Variants in USP6 observed in about 807,000 individuals in gnomAD.
USP6 encodes ubiquitin specific peptidase 6.
In USP6, 128 loss-of-function variants were observed where a neutral mutation model predicts 175.7. The observed-to-expected ratio is 0.73, with a 90% confidence interval of 0.63 to 0.84. The LOEUF is 0.84. Ranked by LOEUF, USP6 falls within the 40% of genes least tolerant of loss-of-function variation. The probability of loss-of-function intolerance (pLI) is 0.00; values close to 1 mark genes in which losing one functional copy is unlikely to be tolerated. For missense variants in USP6, 1,498 were observed against 1,760.3 expected (o/e 0.85, Z 2.67); for synonymous variants, 562 against 630.6 (o/e 0.89, Z 1.63).
chr17:5,135,822 C>G lies in USP6; in HGVS notation c.558C>G (p.Cys186Trp). ...YSEYNPEVGY[C>W]RDLSHITALF... ...GGCTCTTGCAGGAGGTGGGCTACTG[C>G]AGGGACCTGAGCCACATCACCGCCT... The change falls in exon 17 of 38, where the codon TGC becomes TGG. Residue 186 changes from cysteine to tryptophan, a missense_variant. Physicochemically the swap from Cys to Trp is radical, Grantham distance 215. Around this residue, in one of 2 missense-constraint regions of USP6, gnomAD observed 281 missense variants for 259.6 expected, o/e 1.08. Coordinates refer to ENST00000574788, the MANE Select transcript of USP6 (RefSeq NM_001304284.2). The G allele has an allele frequency of 6.3e-7, 1 of 1,598,286 alleles. No individual in the cohort carries two copies. Among genetic ancestry groups the G allele is most frequent in the South Asian group, 1.1e-5 (1 of 90,992 alleles).
chr17:5,161,752 A>G, intron 32 of USP6, 138 bp downstream of exon 32: 1 of 1,010,776 alleles, frequency 9.9e-7, no homozygotes, highest in Non-Finnish European at 1.4e-6. Flanking sequence ...ACCATGGCTC[A>G]GGCCTGTAAT....
Position 5,137,149 on chromosome 17 carries a change from C to T in USP6, c.788C>T (p.Ala263Val). Residue 263 changes from alanine to valine, a missense_variant, in exon 19 of 38, where the codon GCC (alanine) becomes GTC (valine). Transcript: ENST00000574788. Reference sequence around the variant, plus strand: ...AAGGAAGGTCTATGCGGGCAGTGTGCCTCGTTAGGCTGCCTTCTCCGGAAC... The same window carrying T: ...AAGGAAGGTCTATGCGGGCAGTGTGTCTCGTTAGGCTGCCTTCTCCGGAAC... Reference protein sequence around the residue: ...QDKEGLCGQCASLGCLLRNLI... With the variant: ...QDKEGLCGQCVSLGCLLRNLI... 6.2e-7 allele frequency: 1 copy of T among 1,613,408 alleles called. No individual in the cohort carries two copies. Among genetic ancestry groups the T allele is most frequent in the Admixed American group, 1.7e-5 (1 of 60,000 alleles).
At chr17:5,155,650 A>G (rs201218322) in intron 31 of USP6, 44 bp downstream of exon 31, 11 of 1,563,022 alleles carry the variant, frequency 7.0e-6, no homozygotes, top group Non-Finnish European at 9.5e-6. Flanking sequence ...TCCAAACTCT[A>G]GAAAAATAAT....
rs562711707 is a variant in USP6, at chr17:5,160,356, T to TA, written c.2829-1171dup. On this transcript the variant is annotated intron_variant, in intron 31 of 37. Transcript: ENST00000574788. ...GATGAGCTGTAAAGTATGCCACTCT[T>TA]ATGTTATATTCCTTGCATTGCTTCC... Among the ~76,000 whole-genome samples the TA allele has an allele frequency of 2.0e-4, 31 of 152,338 alleles. No homozygotes were observed. The East Asian group carries it at 4.6e-3, about 23-fold the overall frequency.
At chr17:5,133,368 TC>T in intron 13 of USP6, 74 bp from the exon 14 acceptor site, 2 of 1,477,964 alleles carry the variant, frequency 1.4e-6, no homozygotes, top group Non-Finnish European at 1.9e-6. Flanking sequence ...ACTGACAATT[TC>T]CAGAATCCCC....
In USP6 at chr17:5,138,203, C is replaced by T. The variant is rs2073321424; in HGVS notation, c.1008C>T (p.Asp336=). 2.5e-6 allele frequency: 4 copies of T among 1,614,102 alleles called. No homozygotes were observed. Among genetic ancestry groups the T allele is most frequent in the Non-Finnish European group, 3.4e-6 (4 of 1,179,994 alleles). The change falls in exon 21 of 38, where the codon GAC becomes GAT. Residue 336 remains aspartate, a synonymous_variant. Transcript: ENST00000574788. Reference sequence around the variant, plus strand: ...TCGATACCTGGGCCATGAACGATGACACCGTGCTCAAGCATCTTAGGGCCT... The same window carrying T: ...TCGATACCTGGGCCATGAACGATGATACCGTGCTCAAGCATCTTAGGGCCT... ...QFFDTWAMND[D]TVLKHLRAST...
intron 31 of USP6, among the ~76,000 whole-genome samples, chr17:5,156,736 C>CT (rs113739439): frequency 1.5e-3 from 209 of 143,140 alleles, no homozygotes; most frequent in Middle Eastern, 3.5e-3. Context: ...ATAAATACAT[C>CT]TTTTTTTTTT....
intron 30 of USP6, among the ~76,000 whole-genome samples, chr17:5,154,709 G>GTT (rs2144070853): frequency 3.5e-5 from 1 of 28,498 alleles, no homozygotes; most frequent in East Asian, 1.1e-3. Flanking sequence ...AGTTGAGATA[G>GTT]TCTTTTTTTT....
At position 5,145,546 on chromosome 17, in the gene USP6, C is replaced by A. The variant is rs2073581958; in HGVS notation, c.2134C>A (p.Pro712Thr). 6.2e-7 allele frequency: 1 copy of A among 1,610,122 alleles called. No homozygotes were observed. Among genetic ancestry groups the A allele is most frequent in the Non-Finnish European group, 8.5e-7 (1 of 1,178,436 alleles). ...TTTCAATTTTTTGTCTTTGCCACTA[C>A]CAATGGACAGTTACATGGACTTAGA... is the stretch of plus-strand genomic sequence containing the variant. ...DPFNFLSLPLPMDSYMDLEIT... is the reference protein window; with the variant it reads ...DPFNFLSLPLTMDSYMDLEIT... The change falls in exon 27 of 38, where the codon CCA (proline) becomes ACA (threonine). Residue 712 changes from proline (P) to threonine (T), a missense_variant. Pro to Thr is a conservative substitution (Grantham distance 38). Transcript: ENST00000574788.
At chr17:5,128,738 G>T (rs1363147995) in intron 7 of USP6, 1 of 152,694 alleles carries the variant, frequency 6.5e-6, no homozygotes, top group Non-Finnish European at 1.5e-5. Flanking sequence ...CCCAGGCAAG[G>T]CCCCATTGTG....
rs1426751635 is a variant in USP6 at position 5,144,799 on chromosome 17, A to G, written c.1928A>G (p.His643Arg). The G allele has an allele frequency of 3.7e-6, 6 of 1,613,582 alleles. No individual in the cohort carries two copies. The highest frequency in any genetic ancestry group is 1.7e-5 in the Admixed American group (1 of 59,986). Reference protein sequence around the residue: ...DGLHEDLNRVHEKPYVELKDS... With the variant: ...DGLHEDLNRVREKPYVELKDS... ...CTTCATGAAGATCTCAACCGAGTCC[A>G]TGAAAAGCCATATGTGGAACTGAAG... Residue 643 changes from histidine to arginine, a missense_variant, in exon 26 of 38, where the codon CAT (histidine) becomes CGT (arginine). Coordinates refer to ENST00000574788, the MANE Select transcript of USP6 (RefSeq NM_001304284.2).
rs1486694856 is a variant in USP6 at position 5,171,695 on chromosome 17, CT to C, written c.4047+19del. The C allele has an allele frequency of 6.2e-7, 1 of 1,610,930 alleles. No individual in the cohort carries two copies. Among genetic ancestry groups the C allele is most frequent in the Non-Finnish European group, 8.5e-7 (1 of 1,177,894 alleles). On this transcript the variant is annotated intron_variant, in intron 37 of 37. Coordinates refer to ENST00000574788, the MANE Select transcript of USP6 (RefSeq NM_001304284.2). ...CAGCTGTGAGGTAAACATTCTCAATCTTTGAATGAAAGTTAGAATATCAACA... is the reference window on the plus strand; with the variant it reads ...CAGCTGTGAGGTAAACATTCTCAATCTTGAATGAAAGTTAGAATATCAACA...
rs763273550 is a variant in USP6 at position 5,142,501 on chromosome 17, G to T, written c.1817G>T (p.Arg606Leu). The change falls in exon 25 of 38, where the codon CGG becomes CTG. Residue 606 changes from arginine (R) to leucine (L), a missense_variant and splice_region_variant. Coordinates refer to ENST00000574788, the MANE Select transcript of USP6 (RefSeq NM_001304284.2). The stretch of plus-strand genomic sequence containing the variant: ...AAGAGTGTTGCCCCATTAAAGCTTC[G>T]GGTAAGCAGGTTAAAATAATATAAA... ...TQKSVAPLKL[R>L]RTIAKYAPKF... 6.2e-7 allele frequency: 1 copy of T among 1,609,294 alleles called. No homozygotes were observed. The highest frequency in any genetic ancestry group is 8.5e-7 in the Non-Finnish European group (1 of 1,178,026).
At chr17:5,162,475 A>C (rs2074023572) in intron 32 of USP6, among the ~76,000 whole-genome samples, 2 of 152,130 alleles carry the variant, frequency 1.3e-5, no homozygotes, top group South Asian at 2.1e-4. Flanking sequence ...GCATTTATTT[A>C]ATCTGCCATT....
At position 5,125,182 on chromosome 17, in the gene USP6, C is replaced by T; in HGVS notation, c.-682C>T. ...GCGTGCTCCTTATGAGAACCTAATG[C>T]CTGATGATCTGTGACTGTCTCATCA... On this transcript the variant is annotated 5_prime_UTR_variant, in exon 5 of 38. Coordinates refer to ENST00000574788, the MANE Select transcript of USP6 (RefSeq NM_001304284.2). The T allele has an allele frequency of 6.5e-6, 1 of 153,428 alleles. No homozygotes were observed. The highest frequency in any genetic ancestry group is 1.5e-5 in the Non-Finnish European group (1 of 68,898). 9.5% of individuals were successfully genotyped at this position (153,428 alleles called of 1,614,324 possible).
chr17:5,117,284 G>T (rs4318270), intron 1 of USP6, among the ~76,000 whole-genome samples: 3 of 152,038 alleles, frequency 2.0e-5, no homozygotes. Context: ...TTGGGAGGCC[G>T]AGGCGGGTGG....
At chr17:5,133,823 A>C in intron 14 of USP6, 64 bp from the exon 15 acceptor site, 6 of 1,519,986 alleles carry the variant, frequency 3.9e-6, no homozygotes, top group Non-Finnish European at 5.5e-6. Context: ...GCTGACTGCC[A>C]TTTGGGGCAG....
intron 2 of USP6, among the ~76,000 whole-genome samples, chr17:5,119,098 T>C (rs2072595401): frequency 1.3e-5 from 2 of 152,184 alleles, no homozygotes; most frequent in South Asian, 4.1e-4. Flanking sequence ...CCTCTATCAC[T>C]ATCAAGTATT....
chr17:5,170,935 G>T lies in USP6; in HGVS notation c.3954+20G>T. The T allele has an allele frequency of 6.2e-7, 1 of 1,605,792 alleles. No homozygotes were observed. Among genetic ancestry groups the T allele is most frequent in the Non-Finnish European group, 8.5e-7 (1 of 1,174,864 alleles). On this transcript the variant is annotated intron_variant, in intron 36 of 37. Coordinates refer to ENST00000574788, the MANE Select transcript of USP6 (RefSeq NM_001304284.2). ...ATTTCAGTAAGTGGTTTATTATACG[G>T]TTTTCAGAGAGTGGTCTGTGTTTTG... is the stretch of plus-strand genomic sequence containing the variant.
Sources: gnomAD v4.1 joint callset for allele counts (sites outside exome capture counted in the v4.1 genomes callset) on GRCh38, gnomAD v4.1.1 for gene constraint, gnomAD v4.1.1 regional missense constraint, MANE v1.5 for transcripts, NCBI Gene and HGNC (gene_info 2026-07-23, HGNC 2026-07-21) for gene names.